CSMD1: variants seen among roughly 807,000 people sequenced by gnomAD.
CSMD1 encodes the protein CUB and Sushi multiple domains 1, also known as CUB and sushi domain-containing protein 1.
In CSMD1, 213 loss-of-function variants were observed where a neutral mutation model predicts 417.5. The observed-to-expected ratio is 0.51, with a 90% confidence interval of 0.46 to 0.57. The LOEUF is 0.57. Among genes scored for constraint, CSMD1 ranks in the 20% least tolerant of loss-of-function variants. The pLI, the probability that CSMD1 is intolerant of heterozygous loss-of-function variation, is 0.00. For missense variants in CSMD1, 6,923 were observed against 4,529.7 expected, an observed-to-expected ratio of 1.53 and a Z score of -15.17; for synonymous variants, 2,862 against 1,736.8, an observed-to-expected ratio of 1.65 and a Z score of -16.11.
chr8:4,297,019 G>C (rs558482528), intron 3 of CSMD1, among the ~76,000 whole-genome samples: 3 of 152,098 alleles, frequency 2.0e-5, no homozygotes, highest in Non-Finnish European at 1.5e-5. Context: ...GAAGTGCTGG[G>C]AAAGAGTAAT....
chr8:4,577,530 G>A (rs897549133), intron 2 of CSMD1, among the ~76,000 whole-genome samples: 15 of 152,060 alleles, frequency 9.9e-5, no homozygotes, highest in Non-Finnish European at 2.1e-4. Context: ...CCATCCACAG[G>A]CTCCAGTGTG....
At chr8:4,240,508 G>C (rs902674472) in intron 3 of CSMD1, among the ~76,000 whole-genome samples, 2 of 152,210 alleles carry the variant, frequency 1.3e-5, no homozygotes, top group African/African-American at 4.8e-5. Context: ...CCTGCAGCAA[G>C]AATCTGGAAA....
At chr8:4,512,753 AG>A (rs1262338674) in intron 2 of CSMD1, among the ~76,000 whole-genome samples, 1 of 151,810 alleles carries the variant, frequency 6.6e-6, no homozygotes, top group African/African-American at 2.4e-5. Flanking sequence ...ATGTATATGA[AG>A]AACTCTATAA....
chr8:3,416,006 A>G (rs1164359791), intron 12 of CSMD1, among the ~76,000 whole-genome samples: 1 of 152,170 alleles, frequency 6.6e-6, no homozygotes, highest in East Asian at 1.9e-4. Flanking sequence ...TTCTTTTTAA[A>G]AATAAGTGTT....
intron 2 of CSMD1, among the ~76,000 whole-genome samples, chr8:4,495,260 T>C (rs1229358240): frequency 1.3e-5 from 2 of 152,148 alleles, no homozygotes; most frequent in African/African-American, 2.4e-5. Flanking sequence ...TAAATTGCTG[T>C]CATAAAAATG....
At chr8:3,147,943 T>G (rs1306873475) in intron 40 of CSMD1, among the ~76,000 whole-genome samples, 1 of 152,200 alleles carries the variant, frequency 6.6e-6, no homozygotes. Flanking sequence ...AAGACAAATC[T>G]TCTGGCTATT....
intron 2 of CSMD1, among the ~76,000 whole-genome samples, chr8:4,598,775 AATTT>A (rs1297570992): frequency 6.6e-6 from 1 of 152,186 alleles, no homozygotes; most frequent in African/African-American, 2.4e-5. Flanking sequence ...GTAGGTGGAA[AATTT>A]TTTTCAATCA....
chr8:4,125,444 T>C (rs1342417865), intron 3 of CSMD1, among the ~76,000 whole-genome samples: 1 of 152,180 alleles, frequency 6.6e-6, no homozygotes, highest in Non-Finnish European at 1.5e-5. Context: ...TTGCTTGATG[T>C]CCCATGTCTC....
chr8:4,095,389 A>G (rs1800950623), intron 3 of CSMD1, among the ~76,000 whole-genome samples: 1 of 142,968 alleles, frequency 7.0e-6, no homozygotes, highest in African/African-American at 2.8e-5. Context: ...AAACAAACAA[A>G]AAAGTAAAAA....
intron 1 of CSMD1, among the ~76,000 whole-genome samples, chr8:4,769,127 A>G (rs982939615): frequency 2.0e-5 from 3 of 152,210 alleles, no homozygotes; most frequent in Admixed American, 6.5e-5. Context: ...TACTTGCTCT[A>G]TGACCTTGAC....
intron 7 of CSMD1, among the ~76,000 whole-genome samples, chr8:3,670,257 C>T (rs1398341613): frequency 6.6e-6 from 1 of 152,052 alleles, no homozygotes; most frequent in East Asian, 1.9e-4. Context: ...ATGAAAAGGT[C>T]AGACTGGCCT....
chr8:3,614,241 A>G (rs909950823), intron 8 of CSMD1, among the ~76,000 whole-genome samples: 5 of 152,180 alleles, frequency 3.3e-5, no homozygotes, highest in African/African-American at 4.8e-5. Context: ...AAAAACTAGG[A>G]AAGTGACAGA....
chr8:2,971,480 C>T (rs748292167), intron 57 of CSMD1, among the ~76,000 whole-genome samples: 5 of 152,108 alleles, frequency 3.3e-5, no homozygotes, highest in Non-Finnish European at 5.9e-5. Flanking sequence ...CTTCAGGACT[C>T]GATTCAGGTT....
chr8:3,255,649 G>A (rs1354533303), intron 26 of CSMD1, among the ~76,000 whole-genome samples: 1 of 152,192 alleles, frequency 6.6e-6, no homozygotes, highest in Non-Finnish European at 1.5e-5. Flanking sequence ...GGCTCTGTGG[G>A]CGTAGGACCC....
At chr8:4,095,872 T>C (rs1800980370) in intron 3 of CSMD1, among the ~76,000 whole-genome samples, 1 of 152,232 alleles carries the variant, frequency 6.6e-6, no homozygotes, top group Non-Finnish European at 1.5e-5. Context: ...AAAGCTAAAC[T>C]ATCAATGTTA....
chr8:3,736,508 T>C (rs924871419), intron 6 of CSMD1, among the ~76,000 whole-genome samples: 2 of 152,194 alleles, frequency 1.3e-5, no homozygotes, highest in African/African-American at 2.4e-5. Flanking sequence ...GCTTCCCAAA[T>C]TGCTGGGATC....
intron 1 of CSMD1, among the ~76,000 whole-genome samples, chr8:4,701,929 T>TA (rs1231081781): frequency 6.6e-6 from 1 of 152,108 alleles, no homozygotes; most frequent in Non-Finnish European, 1.5e-5. Flanking sequence ...TATGCAGCCA[T>TA]AAAAAGGAAT....
At chr8:3,744,804 ATT>A (rs1796986365) in intron 6 of CSMD1, among the ~76,000 whole-genome samples, 3 of 151,976 alleles carry the variant, frequency 2.0e-5, no homozygotes, top group Non-Finnish European at 2.9e-5. Context: ...TGACATTCTT[ATT>A]TATTTTGTTT....
intron 26 of CSMD1, among the ~76,000 whole-genome samples, chr8:3,265,085 T>A (rs1374125013): frequency 1.3e-5 from 2 of 152,190 alleles, no homozygotes; most frequent in Admixed American, 6.5e-5. Context: ...ATCTGTTGAA[T>A]AGCTGCTCTT....
Sources: gnomAD v4.1 joint callset for allele counts (sites outside exome capture counted in the v4.1 genomes callset) on GRCh38, gnomAD v4.1.1 for gene constraint, MANE v1.5 for transcripts, NCBI Gene and HGNC (gene_info 2026-07-23, HGNC 2026-07-21) for gene names.